Variants in PLD5 observed in about 807,000 individuals in gnomAD.
The protein encoded by PLD5 is phospholipase D family member 5, also known as inactive phospholipase D5.
A neutral mutation model predicts 61.1 loss-of-function variants in PLD5; 36 were observed. The observed-to-expected ratio is 0.59, with a 90% CI of 0.45 to 0.78. PLD5 has a LOEUF of 0.78. Ranked by LOEUF, PLD5 falls within the 30% of genes least tolerant of loss-of-function variation. The pLI, the probability that PLD5 is intolerant of heterozygous loss-of-function variation, is 0.00. For synonymous variants in PLD5, 243 were observed against 242.8 expected (o/e 1.00, Z -0.01); for missense variants, 515 against 644.4 (o/e 0.80, Z 2.17).
intron 1 of PLD5, among the ~76,000 whole-genome samples, chr1:242,518,429 T>G (rs1052769278): frequency 1.3e-5 from 2 of 152,200 alleles, no homozygotes; most frequent in African/African-American, 4.8e-5. Context: ...AAGCAACATT[T>G]CTGGTGTGAG....
intron 5 of PLD5, among the ~76,000 whole-genome samples, chr1:242,211,580 C>T (rs751991578): frequency 1.4e-4 from 21 of 152,132 alleles, no homozygotes; most frequent in Non-Finnish European, 2.4e-4. Context: ...TGGTGCCGGC[C>T]GCCCCCTGGC....
chr1:242,510,556 T>C (rs1668871484), intron 1 of PLD5, among the ~76,000 whole-genome samples: 2 of 152,122 alleles, frequency 1.3e-5, no homozygotes, highest in Admixed American at 1.3e-4. Flanking sequence ...TTATAAAAAG[T>C]TCAAATGGGC....
At chr1:242,348,504 T>C (rs1660268964) in intron 1 of PLD5, among the ~76,000 whole-genome samples, 1 of 152,156 alleles carries the variant, frequency 6.6e-6, no homozygotes, top group South Asian at 2.1e-4. Flanking sequence ...AGTTTGCTCT[T>C]CTTCTTCTTC....
chr1:242,390,586 TTGAAAA>T (rs1279861745), intron 1 of PLD5, among the ~76,000 whole-genome samples: 4 of 152,008 alleles, frequency 2.6e-5, no homozygotes, highest in Non-Finnish European at 1.5e-5. Context: ...TACAGAAAGG[TTGAAAA>T]TAATAGAGAT....
chr1:242,437,850 G>A (rs541006113), intron 1 of PLD5, among the ~76,000 whole-genome samples: 20 of 152,230 alleles, frequency 1.3e-4, no homozygotes, highest in South Asian at 4.1e-4. Flanking sequence ...GTTAAGAAAC[G>A]GGCCCAAGAT....
intron 5 of PLD5, among the ~76,000 whole-genome samples, chr1:242,167,680 C>A (rs550613409): frequency 2.1e-4 from 32 of 152,292 alleles, no homozygotes; most frequent in Non-Finnish European, 4.6e-4. Flanking sequence ...ATCAGGCTTT[C>A]ATCCCCATTT....
chr1:242,106,754 C>T (rs936932984), intron 8 of PLD5, among the ~76,000 whole-genome samples: 2 of 152,160 alleles, frequency 1.3e-5, no homozygotes, highest in African/African-American at 2.4e-5. Flanking sequence ...GCAAGGAATG[C>T]AGCTTCGTTA....
upstream of PLD5, among the ~76,000 whole-genome samples, chr1:242,527,111 CTTCTTTTTTTTTTTTTTTTTTTTTT>C (rs1669464366): frequency 1.1e-5 from 1 of 89,636 alleles, no homozygotes; most frequent in African/African-American, 4.4e-5. Flanking sequence ...CTACTATCTC[CTTCTTTTTTTTTTTTTTTTTTTTTT>C]TTTTTTTTTT....
intron 3 of PLD5, among the ~76,000 whole-genome samples, chr1:242,285,359 G>A (rs1453100608): frequency 6.6e-6 from 1 of 152,162 alleles, no homozygotes; most frequent in East Asian, 1.9e-4. Context: ...TTAGCTTGGT[G>A]TGGTGGCAGG....
chr1:242,490,951 G>C (rs897560077), intron 1 of PLD5, among the ~76,000 whole-genome samples: 10 of 152,144 alleles, frequency 6.6e-5, no homozygotes, highest in African/African-American at 2.2e-4. Flanking sequence ...GGCTTAGCAG[G>C]AGCTTCTTGC....
intron 2 of PLD5, among the ~76,000 whole-genome samples, chr1:242,335,919 ATTTAT>A (rs960817469): frequency 2.6e-5 from 4 of 152,108 alleles, no homozygotes; most frequent in African/African-American, 9.7e-5. Context: ...GAGTGATGTT[ATTTAT>A]TTTGTTACTA....
chr1:242,208,225 C>T (rs553013030), intron 5 of PLD5, among the ~76,000 whole-genome samples: 1 of 151,872 alleles, frequency 6.6e-6, no homozygotes, highest in African/African-American at 2.4e-5. Flanking sequence ...CATGCCTGCA[C>T]AGGTGAGCTC....
At position 242,337,935 on chromosome 1, in the gene PLD5, C is replaced by G. The variant is rs12075270; in HGVS notation, c.326+10171G>C. Among the ~76,000 whole-genome samples the G allele has an allele frequency of 9.9e-3, 1,512 of 152,222 alleles. 17 individuals are homozygous for G. Among genetic ancestry groups the G allele is most frequent in the African/African-American group, 0.034 (1,394 of 41,542 alleles). ...TGTCGTTCACGTTGGTTTGCAGAATCTTTTATTGCTTGCTACCATGGCTTT... is the reference window on the plus strand; with the variant it reads ...TGTCGTTCACGTTGGTTTGCAGAATGTTTTATTGCTTGCTACCATGGCTTT... On this transcript the variant is annotated intron_variant, in intron 2 of 9. Coordinates refer to ENST00000536534, the MANE Select transcript of PLD5 (RefSeq NM_001372062.1).
Position 242,085,290 on chromosome 1 carries a change from C to T in PLD5, c.*4564G>A, listed in dbSNP as rs1215617274. 1 of 151,570 alleles carries T rather than the reference C, an allele frequency of 6.6e-6. No individual in the cohort carries two copies. The highest frequency in any genetic ancestry group is 1.5e-5 in the Non-Finnish European group (1 of 67,930). 9.4% of individuals were successfully genotyped at this position (151,570 alleles called of 1,614,324 possible). On this transcript the variant is annotated 3_prime_UTR_variant, in exon 10 of 10. Transcript: ENST00000536534. ...GTTAATGACCAGTGAAGTTTTAGAA[C>T]CTTGTAAATACAAGACTGCTAATGG...
intron 5 of PLD5, among the ~76,000 whole-genome samples, chr1:242,207,792 A>ATATATT (rs1359256541): frequency 1.4e-4 from 5 of 35,874 alleles, no homozygotes; most frequent in East Asian, 5.0e-4. Flanking sequence ...ATTTATATTT[A>ATATATT]TATATATTTA....
At chr1:242,225,858 A>G (rs1425046277) in intron 4 of PLD5, among the ~76,000 whole-genome samples, 3 of 152,246 alleles carry the variant, frequency 2.0e-5, no homozygotes, top group African/African-American at 7.2e-5. Flanking sequence ...ACATTTTTGC[A>G]AGAATGTAGT....
chr1:242,297,904 G>T (rs1193641096), intron 2 of PLD5, among the ~76,000 whole-genome samples: 1 of 152,074 alleles, frequency 6.6e-6, no homozygotes, highest in Non-Finnish European at 1.5e-5. Context: ...CTCCCAAAGT[G>T]CTGGGATTAC....
rs112719052 is a variant in PLD5, at chr1:242,200,986, G to A, written c.735+19002C>T. On this transcript the variant is annotated intron_variant, in intron 5 of 9. Coordinates refer to ENST00000536534, the MANE Select transcript of PLD5 (RefSeq NM_001372062.1). The stretch of plus-strand genomic sequence containing the variant: ...CAGAGCCACCAGTTCTAGAACAAAT[G>A]TATCTAACACCTCAGGCAATTCAGA... Among the ~76,000 whole-genome samples, 298 of 152,330 alleles carry A rather than the reference G, an allele frequency of 2.0e-3. 3 individuals carry two copies. Among genetic ancestry groups the A allele is most frequent in the African/African-American group, 6.7e-3 (277 of 41,582 alleles).
At chr1:242,153,015 T>C (rs1258923948) in intron 5 of PLD5, among the ~76,000 whole-genome samples, 1 of 151,562 alleles carries the variant, frequency 6.6e-6, no homozygotes, top group African/African-American at 2.4e-5. Context: ...CTCTCCAGCA[T>C]CTGTTGTTTC....
Sources: gnomAD v4.1 joint callset for allele counts (sites outside exome capture counted in the v4.1 genomes callset) on GRCh38, gnomAD v4.1.1 for gene constraint, MANE v1.5 for transcripts, NCBI Gene and HGNC (gene_info 2026-07-23, HGNC 2026-07-21) for gene names.